Variants in MACROD2 observed in about 807,000 individuals in gnomAD.
MACROD2 encodes the protein mono-ADP ribosylhydrolase 2.
A neutral mutation model predicts 70.4 loss-of-function variants in MACROD2; 36 were observed. The ratio of observed to expected loss-of-function variants is 0.51; its 90% CI spans 0.39 to 0.68. The LOEUF is 0.68. Among genes scored for constraint, MACROD2 ranks in the 30% least tolerant of loss-of-function variants. The probability of loss-of-function intolerance (pLI) is 0.00; values close to 1 mark genes in which losing one functional copy is unlikely to be tolerated. For synonymous variants in MACROD2, 172 were observed against 178.8 expected, an observed-to-expected ratio of 0.96 and a Z score of 0.30; for missense variants, 496 against 538.4, an observed-to-expected ratio of 0.92 and a Z score of 0.78.
intron 4 of MACROD2, among the ~76,000 whole-genome samples, chr20:14,617,080 A>G (rs1321328843): frequency 6.6e-6 from 1 of 152,134 alleles, no homozygotes; most frequent in African/African-American, 2.4e-5. Flanking sequence ...GAGAGTTCCT[A>G]GTCATGTATC....
chr20:14,326,374 T>C lies in MACROD2; in HGVS notation c.272-167105T>C. 1.9e-6 allele frequency: 3 copies of C among 1,613,944 alleles called. No individual in the cohort carries two copies. Among genetic ancestry groups the C allele is most frequent in the Non-Finnish European group, 1.7e-6 (2 of 1,179,878 alleles). On this transcript the variant is annotated intron_variant, in intron 3 of 17. Coordinates refer to ENST00000684519, the MANE Select transcript of MACROD2 (RefSeq NM_001351661.2). This position sits in a 1 kb window ranked among gnomAD's most constrained non-coding sequence, Gnocchi z 5.5. ...GGTCACTGGAGCTGGCCACTGTCCT[T>C]GGGCAGGATACACTGTGTTGGGTAT...
At chr20:16,033,434 G>A (rs997480828) in intron 15 of MACROD2, among the ~76,000 whole-genome samples, 1 of 152,078 alleles carries the variant, frequency 6.6e-6, no homozygotes, top group East Asian at 1.9e-4. Flanking sequence ...TATGCTGGCT[G>A]TATAATAGAA....
intron 5 of MACROD2, among the ~76,000 whole-genome samples, chr20:15,048,890 A>T (rs1224354332): frequency 6.6e-6 from 1 of 152,116 alleles, no homozygotes; most frequent in African/African-American, 2.4e-5. Flanking sequence ...GTTTTTCAAC[A>T]TTGTTCTGTC....
At chr20:14,314,294 G>T (rs560693717) in intron 3 of MACROD2, among the ~76,000 whole-genome samples, 1 of 152,272 alleles carries the variant, frequency 6.6e-6, no homozygotes, top group South Asian at 2.1e-4. Context: ...GAAAAATATG[G>T]CTTTGTTAGC....
Position 14,326,291 on chromosome 20 carries a change from G to A in MACROD2, c.272-167188G>A, listed in dbSNP as rs772824945. On this transcript the variant is annotated intron_variant, in intron 3 of 17. Transcript: ENST00000684519. The surrounding 1 kb of genome is among the most constrained non-coding windows in gnomAD (Gnocchi z 5.5). ...GTAATTGTAATTGTTTTTCTTGAGGGACTCCCTGTGGTTTGGTGATCCTTA... is the reference window on the plus strand; with the variant it reads ...GTAATTGTAATTGTTTTTCTTGAGGAACTCCCTGTGGTTTGGTGATCCTTA... 50 of 1,613,756 alleles carry A rather than the reference G, an allele frequency of 3.1e-5. No individual in the cohort carries two copies. The highest frequency in any genetic ancestry group is 2.2e-5 in the East Asian group (1 of 44,880).
At chr20:15,028,136 G>A (rs2075247774) in intron 5 of MACROD2, among the ~76,000 whole-genome samples, 1 of 152,210 alleles carries the variant, frequency 6.6e-6, no homozygotes, top group Admixed American at 6.5e-5. Context: ...CAGGCCTAGG[G>A]CACTGCCCCT....
chr20:14,943,075 A>G (rs923077512), intron 5 of MACROD2, among the ~76,000 whole-genome samples: 1 of 152,230 alleles, frequency 6.6e-6, no homozygotes. Context: ...GAAATTAAAT[A>G]AACCTTTTGC....
intron 5 of MACROD2, among the ~76,000 whole-genome samples, chr20:14,847,544 A>G (rs541444930): frequency 1.1e-4 from 16 of 147,074 alleles, no homozygotes; most frequent in South Asian, 2.1e-4. Context: ...ACACAGAAGC[A>G]TAATGTTGAA....
chr20:15,933,440 C>T (rs1051453468), intron 11 of MACROD2, 102 bp downstream of exon 11: 1 of 1,048,700 alleles, frequency 9.5e-7, no homozygotes, highest in Non-Finnish European at 1.4e-6. Context: ...TACATTTCAC[C>T]AGATGAACTC....
chr20:14,895,199 G>C (rs1220795178), intron 5 of MACROD2: 1 of 152,196 alleles, frequency 6.6e-6, no homozygotes. Flanking sequence ...AAAGGAATGT[G>C]TGTTGGGAAG....
intron 5 of MACROD2, among the ~76,000 whole-genome samples, chr20:15,080,971 CAAATATATCACTTT>C (rs1375612812): frequency 1.3e-5 from 2 of 152,062 alleles, no homozygotes; most frequent in Non-Finnish European, 2.9e-5. Context: ...ACTCTACCTT[CAAATATATCACTTT>C]AAAATTATTT....
chr20:14,215,337 T>TAC (rs199684417), intron 3 of MACROD2, among the ~76,000 whole-genome samples: 16,893 of 130,846 alleles, frequency 0.13, 1,169 homozygotes, highest in Admixed American at 0.18. Context: ...CCATCATATA[T>TAC]ACACACACAC....
intron 6 of MACROD2, among the ~76,000 whole-genome samples, chr20:15,339,062 A>G (rs1283390414): frequency 6.6e-6 from 1 of 151,766 alleles, no homozygotes; most frequent in Admixed American, 6.6e-5. Flanking sequence ...CAAATATGCC[A>G]TAAGTAGAAA....
chr20:15,258,467 G>C (rs1009062960), intron 6 of MACROD2, among the ~76,000 whole-genome samples: 3 of 152,074 alleles, frequency 2.0e-5, no homozygotes, highest in Admixed American at 6.6e-5. Context: ...GATATGTTTA[G>C]ATACACAAAT....
At chr20:16,025,646 A>G (rs918884438) in intron 15 of MACROD2, among the ~76,000 whole-genome samples, 4 of 152,146 alleles carry the variant, frequency 2.6e-5, no homozygotes, top group African/African-American at 9.7e-5. Context: ...CACAGACCCA[A>G]CTGCTGTGGA....
chr20:15,648,160 G>A (rs1200414801), intron 8 of MACROD2, among the ~76,000 whole-genome samples: 4 of 152,230 alleles, frequency 2.6e-5, no homozygotes, highest in Non-Finnish European at 1.5e-5. Flanking sequence ...GCTGCCACCA[G>A]GGAATTTAAT....
chr20:15,765,472 T>C (rs2051507112), intron 8 of MACROD2, among the ~76,000 whole-genome samples: 1 of 152,246 alleles, frequency 6.6e-6, no homozygotes, highest in South Asian at 2.1e-4. Flanking sequence ...ACATTCATTA[T>C]TGAACGGTGT....
chr20:14,995,185 G>A (rs2074938732), intron 5 of MACROD2, among the ~76,000 whole-genome samples: 1 of 151,970 alleles, frequency 6.6e-6, no homozygotes, highest in Admixed American at 6.6e-5. Context: ...TCATTTTAGA[G>A]ATAAGATATG....
intron 2 of MACROD2, among the ~76,000 whole-genome samples, chr20:14,011,945 G>C (rs959368727): frequency 6.6e-6 from 1 of 152,030 alleles, no homozygotes; most frequent in African/African-American, 2.4e-5. Context: ...GTCTCGCTCT[G>C]TCGCCCAGGC....
Sources: gnomAD v4.1 joint callset for allele counts (sites outside exome capture counted in the v4.1 genomes callset) on GRCh38, gnomAD v4.1.1 for gene constraint, Gnocchi (gnomAD v3.1) non-coding constraint, MANE v1.5 for transcripts, NCBI Gene and HGNC (gene_info 2026-07-23, HGNC 2026-07-21) for gene names.